The following CENPI variants were observed in gnomAD, a reference collection of about 807,000 sequenced individuals.
CENPI encodes centromere protein I.
CENPI carries 4 observed loss-of-function variants against 60.4 expected under a neutral mutation model. The observed-to-expected ratio is 0.07, with a 90% CI of 0.03 to 0.15. CENPI has a LOEUF of 0.15. Among genes scored for constraint, CENPI ranks in the 10% least tolerant of loss-of-function variants. The pLI is 1.00. For missense variants in CENPI, 444 were observed against 534.5 expected, an observed-to-expected ratio of 0.83 and a Z score of 1.67; for synonymous variants, 157 against 189.4, an observed-to-expected ratio of 0.83 and a Z score of 1.40.
In CENPI at chrX:101,163,126, G is replaced by C. The variant is rs975572827; in HGVS notation, c.*159G>C. ...CTGTTCATGGCTTAGGAGAGCCTTG[G>C]TGTGCCTAACTGATTTTTCAAAATT... is the stretch of plus-strand genomic sequence containing the variant. On this transcript the variant is annotated 3_prime_UTR_variant, in exon 22 of 22. Transcript: ENST00000682095. 1.6e-5 allele frequency: 8 copies of C among 508,478 alleles called. No homozygotes were observed. Among genetic ancestry groups the C allele is most frequent in the Non-Finnish European group, 2.5e-5 (8 of 324,997 alleles). 41.9% of individuals were successfully genotyped at this position (508,478 alleles called of 1,213,427 possible). A position where few individuals can be genotyped will look rare whatever the true frequency, so the allele number is the denominator to read the frequency against.
intron 15 of CENPI, among the ~76,000 whole-genome samples, chrX:101,139,762 A>G (rs1391945967): frequency 2.7e-5 from 3 of 110,166 alleles, no homozygotes; most frequent in East Asian, 5.7e-4. Context: ...TTTCAAATTT[A>G]TAGATATTAC....
chrX:101,126,909 A>G (rs111233944), intron 9 of CENPI, 111 bp downstream of exon 9: 4 of 747,816 alleles, frequency 5.3e-6, no homozygotes, highest in African/African-American at 4.2e-5. Flanking sequence ...TTTACTGTCT[A>G]GTATTGTGGT....
At chrX:101,139,543 A>G (rs915988401) in intron 15 of CENPI, among the ~76,000 whole-genome samples, 1 of 112,453 alleles carries the variant, frequency 8.9e-6, no homozygotes, top group African/African-American at 3.2e-5. Context: ...AAAGTAGACT[A>G]TTGTCTTAGA....
At position 101,124,448 on chromosome X, in the gene CENPI, A is replaced by G. The variant is rs1048217759; in HGVS notation, c.688-2261A>G. On this transcript the variant is annotated intron_variant, in intron 8 of 21. Coordinates refer to ENST00000682095, the MANE Select transcript of CENPI (RefSeq NM_001386188.2). ...AAGTCTACTGATTTAAATGTTAAAC[A>G]TATCTAAAAAACCCTCACAGAAACA... Among the ~76,000 whole-genome samples the G allele has an allele frequency of 2.5e-4, 28 of 111,388 alleles. 1 individual carries two copies. The highest frequency in any genetic ancestry group is 9.1e-4 in the African/African-American group (28 of 30,647).
At position 101,132,232 on chromosome X, in the gene CENPI, C is replaced by T. The variant is rs778821326; in HGVS notation, c.1330C>T (p.Pro444Ser). ...TGAAGCATTCCTGTATAAGAGCCTT[C>T]CTCTCTGGGATGGCCTTTGTTGTCG... ...SCEAFLYKSL[P>S]LWDGLCCRSQ... The change falls in exon 14 of 22, where the codon CCT (proline) becomes TCT (serine). Residue 444 changes from proline to serine, a missense_variant. Coordinates refer to ENST00000682095, the MANE Select transcript of CENPI (RefSeq NM_001386188.2). The T allele has an allele frequency of 1.7e-6, 2 of 1,209,286 alleles. No homozygotes were observed. The highest frequency in any genetic ancestry group is 3.5e-5 in the South Asian group (2 of 56,882).
intron 20 of CENPI, among the ~76,000 whole-genome samples, chrX:101,153,321 C>T (rs756364304): frequency 1.6e-4 from 16 of 101,562 alleles, no homozygotes; most frequent in African/African-American, 5.8e-4. Context: ...TTGAGACGGT[C>T]GTTCTGTAGC....
intron 20 of CENPI, among the ~76,000 whole-genome samples, 189 bp from the exon 21 acceptor site, chrX:101,161,339 A>G (rs1405882133): frequency 8.9e-6 from 1 of 112,278 alleles, no homozygotes; most frequent in Non-Finnish European, 1.9e-5. Context: ...TTAAAATGTT[A>G]TTTCTTAAAG....
At chrX:101,172,174 G>A in the CENPI span, among the ~76,000 whole-genome samples, 2 of 111,620 alleles carry the variant, frequency 1.8e-5, no homozygotes, top group East Asian at 2.8e-4. Context: ...GGGGGGATGC[G>A]GAGGAATTGA....
At chrX:101,180,611 C>T in the CENPI span, among the ~76,000 whole-genome samples, 9 of 111,657 alleles carry the variant, frequency 8.1e-5, no homozygotes, top group Admixed American at 1.9e-4. Context: ...TGATGAAGTC[C>T]AATTAATTTT....
intron 1 of CENPI, 67 bp downstream of exon 1, chrX:101,098,315 G>T: frequency 8.8e-6 from 1 of 113,763 alleles, no homozygotes; most frequent in Non-Finnish European, 1.9e-5. Context: ...TTTGAGGGTG[G>T]GACTATCCTG....
At chrX:101,119,749 T>A (rs1014077741) in intron 6 of CENPI, among the ~76,000 whole-genome samples, 6 of 112,424 alleles carry the variant, frequency 5.3e-5, no homozygotes, top group Non-Finnish European at 1.1e-4. Flanking sequence ...AATTCTTGTA[T>A]ATATACTGAC....
downstream of CENPI, among the ~76,000 whole-genome samples, chrX:101,168,386 C>T (rs757123871): frequency 2.7e-5 from 3 of 110,879 alleles, no homozygotes; most frequent in South Asian, 3.8e-4. Context: ...GCCAACATGG[C>T]GAAACCCTGT....
chrX:101,177,888 G>A, the CENPI span, among the ~76,000 whole-genome samples: 2 of 112,262 alleles, frequency 1.8e-5, no homozygotes, highest in Admixed American at 9.4e-5. Context: ...AGATGCAGGG[G>A]CTATTGGGCC....
intron 2 of CENPI, among the ~76,000 whole-genome samples, chrX:101,100,270 A>G (rs1213189778): frequency 8.9e-6 from 1 of 111,866 alleles, no homozygotes; most frequent in Non-Finnish European, 1.9e-5. Flanking sequence ...GAAAATGCTT[A>G]GTCTGGCCAC....
intron 3 of CENPI, 146 bp from the exon 4 acceptor site, chrX:101,102,128 C>A: frequency 2.6e-6 from 1 of 382,160 alleles, no homozygotes. Context: ...CTTACTTTGG[C>A]CTCCCAAAAT....
Position 101,128,855 on chromosome X carries a change from T to G in CENPI, c.1195+19T>G. ...CAAGAAGGTAAGAATTGAGTGAGGATGGACCAAGATAGTTAACAAATGGGT... is the reference window on the plus strand; with the variant it reads ...CAAGAAGGTAAGAATTGAGTGAGGAGGGACCAAGATAGTTAACAAATGGGT... On this transcript the variant is annotated intron_variant, in intron 12 of 21. Coordinates refer to ENST00000682095, the MANE Select transcript of CENPI (RefSeq NM_001386188.2). 4 of 1,194,186 alleles carry G rather than the reference T, an allele frequency of 3.3e-6. No homozygotes were observed. Among genetic ancestry groups the G allele is most frequent in the Non-Finnish European group, 4.5e-6 (4 of 882,261 alleles).
chrX:101,162,022 C>T (rs1385216534), intron 21 of CENPI, among the ~76,000 whole-genome samples: 1 of 109,729 alleles, frequency 9.1e-6, no homozygotes. Context: ...CTCACTGCAA[C>T]CTCTGCCTCC....
downstream of CENPI, among the ~76,000 whole-genome samples, chrX:101,170,671 G>A (rs776209158): frequency 2.7e-5 from 3 of 111,304 alleles, no homozygotes; most frequent in East Asian, 2.8e-4. Context: ...GTCTTGTTCC[G>A]TTGCCCAGGG....
intron 15 of CENPI, among the ~76,000 whole-genome samples, chrX:101,137,110 A>T (rs1546984): frequency 9.1e-6 from 1 of 109,593 alleles, no homozygotes; most frequent in Non-Finnish European, 1.9e-5. Context: ...ACAAGGTCTC[A>T]CTATGTTGCC....
Sources: allele counts gnomAD v4.1 joint callset (sites outside exome capture counted in the v4.1 genomes callset), GRCh38; gene constraint gnomAD v4.1.1; transcripts MANE v1.5; gene names NCBI Gene and HGNC (gene_info 2026-07-23, HGNC 2026-07-21).